Variants in MARCHF10 observed in about 807,000 individuals in gnomAD.
MARCHF10 encodes membrane associated ring-CH-type finger 10.
Under a neutral mutation model 76.2 loss-of-function variants are expected in MARCHF10, and 64 were observed. The ratio of observed to expected loss-of-function variants is 0.84; its 90% CI spans 0.69 to 1.03. The LOEUF (loss-of-function observed/expected upper bound fraction) is 1.03. MARCHF10 is among the 50% of genes least tolerant of loss of function. The probability of loss-of-function intolerance (pLI) is 0.00; values close to 1 mark genes in which losing one functional copy is unlikely to be tolerated. For synonymous variants in MARCHF10, 340 were observed against 357.5 expected, an observed-to-expected ratio of 0.95 and a Z score of 0.55; for missense variants, 875 against 958.0, an observed-to-expected ratio of 0.91 and a Z score of 1.14.
At position 62,736,412 on chromosome 17, in the gene MARCHF10, G is replaced by C; in HGVS notation, c.1456C>G (p.Pro486Ala). The stretch of plus-strand genomic sequence containing the variant: ...GTCGATGACATTGACAAGTCTACTG[G>C]AATATCATCTCTCAGAGCAGAATGC... ...FMHSALRDDI[P>A]VDLSMSSTSV... Residue 486 changes from proline to alanine, a missense_variant, in exon 6 of 11, where the codon CCA becomes GCA. Transcript: ENST00000311269. The C allele has an allele frequency of 6.2e-7, 1 of 1,614,100 alleles. No homozygotes were observed. Among genetic ancestry groups the C allele is most frequent in the Non-Finnish European group, 8.5e-7 (1 of 1,179,954 alleles).
At chr17:62,756,399 T>C (rs139761371) in intron 4 of MARCHF10, among the ~76,000 whole-genome samples, 97 of 152,202 alleles carry the variant, frequency 6.4e-4, no homozygotes, top group African/African-American at 1.7e-3. Flanking sequence ...TGACCTATGA[T>C]TGCACCAGTA....
At chr17:62,746,542 C>T (rs1308659559) in intron 4 of MARCHF10, among the ~76,000 whole-genome samples, 2 of 152,140 alleles carry the variant, frequency 1.3e-5, no homozygotes, top group Non-Finnish European at 2.9e-5. Flanking sequence ...CATTTTCCCA[C>T]TACCAAAAGT....
At chr17:62,748,808 A>T (rs2091798376) in intron 4 of MARCHF10, among the ~76,000 whole-genome samples, 1 of 152,208 alleles carries the variant, frequency 6.6e-6, no homozygotes, top group Non-Finnish European at 1.5e-5. Flanking sequence ...ATGAAAAGTG[A>T]ATCAAATTTC....
At chr17:62,722,632 C>T (rs780365789) in intron 7 of MARCHF10, 35 bp from the exon 8 acceptor site, 18 of 1,533,104 alleles carry the variant, frequency 1.2e-5, no homozygotes, top group Non-Finnish European at 1.6e-5. Flanking sequence ...GTACATATAA[C>T]CATGGGTCTG....
intron 4 of MARCHF10, among the ~76,000 whole-genome samples, chr17:62,758,264 G>A (rs532413954): frequency 1.8e-4 from 28 of 152,156 alleles, no homozygotes; most frequent in African/African-American, 6.7e-4. Context: ...CCCGGAAATC[G>A]CTTGAACCGG....
At chr17:62,775,687 A>T (rs2148036955) in intron 3 of MARCHF10, among the ~76,000 whole-genome samples, 1 of 152,272 alleles carries the variant, frequency 6.6e-6, no homozygotes, top group South Asian at 2.1e-4. Context: ...TAAAAACAAA[A>T]TAAAAGAGTT....
intron 2 of MARCHF10, among the ~76,000 whole-genome samples, chr17:62,789,563 C>T (rs2092807557): frequency 6.6e-6 from 1 of 152,090 alleles, no homozygotes; most frequent in Non-Finnish European, 1.5e-5. Context: ...CCTGTTTCTC[C>T]TGCTGATCAT....
rs563231532 is a variant in MARCHF10, at chr17:62,776,044, C to A, written c.210+12436G>T. Among the ~76,000 whole-genome samples the A allele has an allele frequency of 1.2e-3, 177 of 152,238 alleles. 1 individual carries two copies. Among genetic ancestry groups the A allele is most frequent in the Middle Eastern group, 0.01 (3 of 294 alleles). ...AACTCCTGGGCTCAAGTGATCTTCC[C>A]AACTTAGACTCCCAAAGTGTGGGAT... On this transcript the variant is annotated intron_variant, in intron 3 of 10. Coordinates refer to ENST00000311269, the MANE Select transcript of MARCHF10 (RefSeq NM_152598.4).
chr17:62,705,613 G>C, intron 9 of MARCHF10, 32 bp from the exon 10 acceptor site: 1 of 1,612,970 alleles, frequency 6.2e-7, no homozygotes, highest in South Asian at 1.1e-5. Context: ...GAAATGAATT[G>C]TTTTTTCCAA....
In MARCHF10 at chr17:62,712,335, C is replaced by T. The variant is rs781705172; in HGVS notation, c.2215-991G>A. On this transcript the variant is annotated intron_variant, in intron 8 of 10. Coordinates refer to ENST00000311269, the MANE Select transcript of MARCHF10 (RefSeq NM_152598.4). This position sits in a 1 kb window ranked among gnomAD's most constrained non-coding sequence, Gnocchi z 4.2. ...ACTCTGTCGGCCCAGGATAACGATG[C>T]GTGGGCATGAATGACACAGTGAGCA... Among the ~76,000 whole-genome samples, 24 of 152,186 alleles carry T rather than the reference C, an allele frequency of 1.6e-4. No homozygotes were observed. Among genetic ancestry groups the T allele is most frequent in the Non-Finnish European group, 2.5e-4 (17 of 68,040 alleles).
At chr17:62,740,939 T>G (rs2147841610) in intron 5 of MARCHF10, among the ~76,000 whole-genome samples, 1 of 152,320 alleles carries the variant, frequency 6.6e-6, no homozygotes, top group East Asian at 1.9e-4. Flanking sequence ...TGGCTCAGTA[T>G]TTGAACAATG....
chr17:62,792,974 C>G (rs1244232850), intron 2 of MARCHF10, among the ~76,000 whole-genome samples: 2 of 149,568 alleles, frequency 1.3e-5, no homozygotes, highest in Admixed American at 6.6e-5. Flanking sequence ...CATCAACCAC[C>G]ACCACCTCCA....
chr17:62,723,559 C>CCTTTTTTTTTTTTTT lies in MARCHF10; in HGVS notation c.2105-963_2105-962insAAAAAAAAAAAAAAG. 2.5e-5 allele frequency among the ~76,000 whole-genome samples: 2 copies of CCTTTTTTTTTTTTTT among 80,368 alleles called. 1 individual carries two copies. The highest frequency in any genetic ancestry group is 8.6e-4 in the South Asian group (2 of 2,314). The allele number at this position is 80,368 out of a possible 152,430, so 52.7% of individuals were successfully genotyped here. On this transcript the variant is annotated intron_variant, in intron 7 of 10. Coordinates refer to ENST00000311269, the MANE Select transcript of MARCHF10 (RefSeq NM_152598.4). Reference sequence around the variant, plus strand: ...CCTTATCTGCATTTTGTTCGCTTGACTTTTTTTTTTTTTTTTTTTAGCGTC... The same window carrying CCTTTTTTTTTTTTTT: ...CCTTATCTGCATTTTGTTCGCTTGACCTTTTTTTTTTTTTTTTTTTTTTTTTTTTTTTTTAGCGTC...
intron 9 of MARCHF10, among the ~76,000 whole-genome samples, chr17:62,709,750 T>G (rs546378636): frequency 6.6e-6 from 1 of 151,996 alleles, no homozygotes; most frequent in African/African-American, 2.4e-5. Flanking sequence ...TTTGGGTGCC[T>G]TTTTTTGTTT....
intron 3 of MARCHF10, among the ~76,000 whole-genome samples, chr17:62,772,000 C>G (rs532120237): frequency 1.7e-4 from 26 of 152,122 alleles, no homozygotes; most frequent in Non-Finnish European, 3.2e-4. Flanking sequence ...CAAGATGATC[C>G]AGATGGATTC....
rs17683483 is a variant in MARCHF10 at position 62,725,122 on chromosome 17, C to A, written c.1938-18G>T. On this transcript the variant is annotated intron_variant, in intron 6 of 10. Coordinates refer to ENST00000311269, the MANE Select transcript of MARCHF10 (RefSeq NM_152598.4). ...CCAGGAGACTAAATGTGAAAACAAG[C>A]CCTCGTGACCAGGAGGCTACACGTT... is the stretch of plus-strand genomic sequence containing the variant. 0.11 allele frequency: 169,001 copies of A among 1,564,822 alleles called. 10,523 individuals carry two copies. Among genetic ancestry groups the A allele is most frequent in the Non-Finnish European group, 0.13 (146,687 of 1,161,766 alleles).
At position 62,744,447 on chromosome 17, in the gene MARCHF10, G is replaced by A. The variant is rs147336333; in HGVS notation, c.464C>T (p.Pro155Leu). The change falls in exon 5 of 11, where the codon CCG (proline) becomes CTG (leucine). Residue 155 changes from proline to leucine, a missense_variant. By Grantham distance (98) the Pro-to-Leu change is moderately conservative. Coordinates refer to ENST00000311269, the MANE Select transcript of MARCHF10 (RefSeq NM_152598.4). ...TCTGCTTCTGTCCCCAGATGCTCTC[G>A]GGCTGTGCGATTCTGGGCTGACTGT... ...RFTVSPESHSPRASGDRSRQK... is the reference protein window; with the variant it reads ...RFTVSPESHSLRASGDRSRQK... The A allele has an allele frequency of 3.0e-4, 478 of 1,614,008 alleles. No individual in the cohort carries two copies. The highest frequency in any genetic ancestry group is 3.8e-4 in the Non-Finnish European group (449 of 1,180,018).
intron 10 of MARCHF10, 141 bp from the exon 11 acceptor site, chr17:62,701,899 G>A (rs1300654642): frequency 7.2e-6 from 8 of 1,114,310 alleles, no homozygotes; most frequent in South Asian, 5.3e-5. Context: ...GCCTGGAACC[G>A]TGTGGGGAAC....
At chr17:62,769,449 G>A (rs1004857475) in intron 3 of MARCHF10, among the ~76,000 whole-genome samples, 10 of 152,060 alleles carry the variant, frequency 6.6e-5, no homozygotes, top group Non-Finnish European at 1.0e-4. Context: ...ACAGAGTCTC[G>A]CTCTGTCACC....
Sources: allele counts gnomAD v4.1 joint callset (sites outside exome capture counted in the v4.1 genomes callset), GRCh38; gene constraint gnomAD v4.1.1; non-coding constraint Gnocchi (gnomAD v3.1); transcripts MANE v1.5; gene names NCBI Gene and HGNC (gene_info 2026-07-23, HGNC 2026-07-21).